Variants in NXPH1 observed in about 807,000 individuals in gnomAD.
NXPH1 encodes neurexophilin 1.
A neutral mutation model predicts 23.7 loss-of-function variants in NXPH1; 5 were observed. The ratio of observed to expected loss-of-function variants is 0.21; its 90% confidence interval spans 0.11 to 0.44. The LOEUF is 0.44. NXPH1 is among the 20% of genes least tolerant of loss of function. The pLI, the probability that NXPH1 is intolerant of heterozygous loss-of-function variation, is 0.99. For synonymous variants in NXPH1, 144 were observed against 122.2 expected (o/e 1.18, Z -1.18); for missense variants, 324 against 321.6 (o/e 1.01, Z -0.06).
chr7:8,608,588 G>C (rs979529966), intron 2 of NXPH1, among the ~76,000 whole-genome samples: 1 of 152,056 alleles, frequency 6.6e-6, no homozygotes, highest in Non-Finnish European at 1.5e-5. Flanking sequence ...AGAAATTTGA[G>C]GGAAGTGAAA....
At chr7:8,464,551 C>G (rs1212203244) in intron 2 of NXPH1, among the ~76,000 whole-genome samples, 1 of 152,186 alleles carries the variant, frequency 6.6e-6, no homozygotes, top group Non-Finnish European at 1.5e-5. Flanking sequence ...CCTACACATG[C>G]TCAAGGCACC....
intron 2 of NXPH1, among the ~76,000 whole-genome samples, chr7:8,704,590 G>A (rs894643536): frequency 6.6e-6 from 1 of 152,110 alleles, no homozygotes; most frequent in African/African-American, 2.4e-5. Flanking sequence ...AAGTGGTAAT[G>A]CCTAGCCTTT....
At chr7:8,465,614 C>G (rs1463503887) in intron 2 of NXPH1, among the ~76,000 whole-genome samples, 1 of 152,206 alleles carries the variant, frequency 6.6e-6, no homozygotes, top group Admixed American at 6.5e-5. Context: ...TTCACGGTCG[C>G]TTTCCAGCTG....
intron 2 of NXPH1, among the ~76,000 whole-genome samples, chr7:8,610,836 G>T (rs1353932322): frequency 6.6e-6 from 1 of 151,642 alleles, no homozygotes; most frequent in Non-Finnish European, 1.5e-5. Flanking sequence ...CTCTTTTTTG[G>T]AACAGGAGGG....
At chr7:8,680,822 T>C (rs1038811296) in intron 2 of NXPH1, among the ~76,000 whole-genome samples, 11 of 152,244 alleles carry the variant, frequency 7.2e-5, no homozygotes, top group Non-Finnish European at 1.6e-4. Context: ...GCATCTTTTA[T>C]ATGCAATAAA....
intron 2 of NXPH1, among the ~76,000 whole-genome samples, chr7:8,575,821 C>G (rs1471047899): frequency 6.6e-6 from 1 of 151,780 alleles, no homozygotes; most frequent in Non-Finnish European, 1.5e-5. Context: ...ATGTATAGGC[C>G]CATTTTATGG....
intron 2 of NXPH1, among the ~76,000 whole-genome samples, chr7:8,489,617 G>A (rs1432687015): frequency 1.3e-5 from 2 of 151,992 alleles, no homozygotes; most frequent in Non-Finnish European, 2.9e-5. Flanking sequence ...TGGCCCATCT[G>A]AAAATAATGG....
At chr7:8,506,537 G>A (rs1817526193) in intron 2 of NXPH1, among the ~76,000 whole-genome samples, 1 of 152,084 alleles carries the variant, frequency 6.6e-6, no homozygotes, top group Non-Finnish European at 1.5e-5. Context: ...GACTATTAAT[G>A]AGTAAAGACA....
chr7:8,726,538 A>G (rs1020345074), intron 2 of NXPH1, among the ~76,000 whole-genome samples: 2 of 132,348 alleles, frequency 1.5e-5, no homozygotes, highest in African/African-American at 5.8e-5. Flanking sequence ...TCCTGTGTCC[A>G]TGTGTTCTCA....
intron 2 of NXPH1, among the ~76,000 whole-genome samples, chr7:8,568,216 A>G (rs1351658197): frequency 6.6e-6 from 1 of 151,884 alleles, no homozygotes; most frequent in Non-Finnish European, 1.5e-5. Context: ...AAGATGGTGG[A>G]ATTTTATTTT....
At chr7:8,597,034 T>G (rs1819241478) in intron 2 of NXPH1, among the ~76,000 whole-genome samples, 1 of 151,960 alleles carries the variant, frequency 6.6e-6, no homozygotes, top group African/African-American at 2.4e-5. Flanking sequence ...GCACTGAGGA[T>G]AAAGAGAGCC....
chr7:8,680,515 G>C (rs1339215677), intron 2 of NXPH1, among the ~76,000 whole-genome samples: 1 of 152,210 alleles, frequency 6.6e-6, no homozygotes, highest in Non-Finnish European at 1.5e-5. Context: ...ATGTTAGGTA[G>C]TATATATAGA....
intron 2 of NXPH1, among the ~76,000 whole-genome samples, chr7:8,599,378 A>G (rs755810557): frequency 1.4e-4 from 22 of 152,032 alleles, no homozygotes; most frequent in Non-Finnish European, 2.9e-4. Flanking sequence ...GAATCCTTCT[A>G]TTTCCTAATG....
At chr7:8,538,220 C>T (rs74930276) in intron 2 of NXPH1, among the ~76,000 whole-genome samples, 4,917 of 151,868 alleles carry the variant, frequency 0.032, 254 homozygotes, top group African/African-American at 0.11. Flanking sequence ...GTGACTTGCC[C>T]CCAAATATCT....
chr7:8,514,570 C>T (rs2128614557), intron 2 of NXPH1, among the ~76,000 whole-genome samples: 1 of 152,186 alleles, frequency 6.6e-6, no homozygotes, highest in East Asian at 1.9e-4. Flanking sequence ...CTTCATATCC[C>T]CCATGTGCTG....
At chr7:8,570,206 A>C (rs1818618798) in intron 2 of NXPH1, among the ~76,000 whole-genome samples, 1 of 151,984 alleles carries the variant, frequency 6.6e-6, no homozygotes, top group Admixed American at 6.6e-5. Flanking sequence ...TGTTTTGTTG[A>C]TATAAAACTG....
intron 2 of NXPH1, among the ~76,000 whole-genome samples, chr7:8,636,821 A>G (rs1184621076): frequency 6.6e-6 from 1 of 152,150 alleles, no homozygotes; most frequent in African/African-American, 2.4e-5. Flanking sequence ...TTAATTTGGG[A>G]TTCTTACTTC....
rs1351539130 is a variant in NXPH1, at chr7:8,684,741, C to A, written c.55-66267C>A. 2.0e-5 allele frequency among the ~76,000 whole-genome samples: 3 copies of A among 152,252 alleles called. 1 individual carries two copies. The highest frequency in any genetic ancestry group is 6.8e-3 in the Middle Eastern group (2 of 294). ...ATTTCAAGTCATTTCCTTCAGTGTC[C>A]AATGTCCCCTGTGCTATTTATTATA... On this transcript the variant is annotated intron_variant, in intron 2 of 2. Coordinates refer to ENST00000405863, the MANE Select transcript of NXPH1 (RefSeq NM_152745.3).
At chr7:8,441,510 G>T (rs1048521353) in intron 2 of NXPH1, among the ~76,000 whole-genome samples, 1 of 152,092 alleles carries the variant, frequency 6.6e-6, no homozygotes, top group African/African-American at 2.4e-5. Flanking sequence ...AGGATAAAAA[G>T]GTTCCGTTGT....
Sources: allele counts gnomAD v4.1 joint callset (sites outside exome capture counted in the v4.1 genomes callset), GRCh38; gene constraint gnomAD v4.1.1; transcripts MANE v1.5; gene names NCBI Gene and HGNC (gene_info 2026-07-23, HGNC 2026-07-21).